The following PARP16 variants were observed in gnomAD, a reference collection of about 807,000 sequenced individuals.
PARP16 encodes protein mono-ADP-ribosyltransferase PARP16.
Under a neutral mutation model 35.0 loss-of-function variants are expected in PARP16, and 31 were observed. The observed-to-expected ratio is 0.88, with a 90% CI of 0.66 to 1.19. PARP16 has a LOEUF of 1.19. PARP16 is among the 50% of genes most tolerant of loss of function. The pLI is 0.00. For synonymous variants in PARP16, 162 were observed against 169.5 expected (o/e 0.96, Z 0.34); for missense variants, 424 against 411.2 (o/e 1.03, Z -0.27).
At position 65,265,846 on chromosome 15, in the gene PARP16, T is replaced by C. The variant is rs115448317; in HGVS notation, c.519+716A>G. Among the ~76,000 whole-genome samples, 1,140 of 152,368 alleles carry C rather than the reference T, an allele frequency of 7.5e-3. 9 individuals carry two copies. The highest frequency in any genetic ancestry group is 0.026 in the African/African-American group (1,093 of 41,586). On this transcript the variant is annotated intron_variant, in intron 3 of 5. Coordinates refer to ENST00000649807, the MANE Select transcript of PARP16 (RefSeq NM_001316943.2). ...TCACCTGGAGAGCTTTTAAAGCAAC[T>C]GATGCCTGTGCTCCACTCGGAGATT...
chr15:65,278,395 C>T (rs558693839), intron 1 of PARP16, among the ~76,000 whole-genome samples: 1 of 152,234 alleles, frequency 6.6e-6, no homozygotes, highest in African/African-American at 2.4e-5. Flanking sequence ...AGCTCACAGG[C>T]AACACATCTG....
chr15:65,268,971 T>A (rs761483445), intron 2 of PARP16, among the ~76,000 whole-genome samples: 28 of 152,064 alleles, frequency 1.8e-4, no homozygotes, highest in Non-Finnish European at 3.7e-4. Flanking sequence ...GCCAGGCTGG[T>A]CTTGAACTCC....
chr15:65,285,650 A>C (rs1281390086), intron 1 of PARP16: 1 of 182,710 alleles, frequency 5.5e-6, no homozygotes, highest in African/African-American at 2.4e-5. Flanking sequence ...TTTTTATTGA[A>C]TCGATTTTGG....
downstream of PARP16, among the ~76,000 whole-genome samples, chr15:65,231,901 A>G (rs2088781979): frequency 2.0e-5 from 3 of 152,008 alleles, no homozygotes; most frequent in South Asian, 6.2e-4. Context: ...GCTGGTGGCA[A>G]ATACAGTTTT....
chr15:65,235,926 G>A (rs1029424727), intron 3 of PARP16, among the ~76,000 whole-genome samples: 11 of 143,540 alleles, frequency 7.7e-5, no homozygotes, highest in East Asian at 4.4e-4. Flanking sequence ...GCAGTGGCAC[G>A]ATCTCACTGC....
At chr15:65,281,708 T>G (rs994930111) in intron 1 of PARP16, among the ~76,000 whole-genome samples, 1 of 134,080 alleles carries the variant, frequency 7.5e-6, no homozygotes. Context: ...AAAAAAAAAA[T>G]CAGAGAGCTT....
chr15:65,244,364 G>C (rs953827541), intron 3 of PARP16, among the ~76,000 whole-genome samples: 2 of 152,178 alleles, frequency 1.3e-5, no homozygotes, highest in Non-Finnish European at 2.9e-5. Flanking sequence ...AGGTTTAATG[G>C]ACTCACAGTT....
intron 3 of PARP16, among the ~76,000 whole-genome samples, chr15:65,237,092 G>A (rs2088902793): frequency 6.6e-6 from 1 of 150,466 alleles, no homozygotes; most frequent in African/African-American, 2.5e-5. Flanking sequence ...CTGTGTAGAT[G>A]GCCCCAGCCA....
At chr15:65,265,107 C>T (rs997229748) in intron 3 of PARP16, among the ~76,000 whole-genome samples, 2 of 152,184 alleles carry the variant, frequency 1.3e-5, no homozygotes, top group African/African-American at 2.4e-5. Flanking sequence ...TAACCAGATA[C>T]ACCAGGGAAA....
At chr15:65,280,472 C>G (rs1194677899) in intron 1 of PARP16, among the ~76,000 whole-genome samples, 1 of 150,042 alleles carries the variant, frequency 6.7e-6, no homozygotes, top group East Asian at 1.9e-4. Context: ...CATGGACCAG[C>G]AATTTCACCT....
chr15:65,284,351 T>C (rs1335338393), intron 1 of PARP16, among the ~76,000 whole-genome samples: 2 of 140,942 alleles, frequency 1.4e-5, no homozygotes, highest in African/African-American at 5.3e-5. Context: ...TTTTTTTTTT[T>C]TTTTTTTTTT....
At chr15:65,277,153 A>G (rs1043404052) in intron 1 of PARP16, among the ~76,000 whole-genome samples, 7 of 151,918 alleles carry the variant, frequency 4.6e-5, no homozygotes, top group African/African-American at 1.2e-4. Flanking sequence ...CCCACCCCCA[A>G]TGCTATTCCT....
chr15:65,237,264 C>T (rs1226719311), intron 3 of PARP16, among the ~76,000 whole-genome samples: 2 of 152,122 alleles, frequency 1.3e-5, no homozygotes, highest in Non-Finnish European at 2.9e-5. Context: ...TACTCAGTCC[C>T]TCCTCCCAGA....
At position 65,259,477 on chromosome 15, in the gene PARP16, A is replaced by G. The variant is rs779691324; in HGVS notation, c.899T>C (p.Leu300Pro). Reference sequence around the variant, plus strand: ...GATGACACTCACTATGAGCAGCAGCAGCAGATACAGGGATATCATGACGGT... The same window carrying G: ...GATGACACTCACTATGAGCAGCAGCGGCAGATACAGGGATATCATGACGGT... ...WFTVMISLYL[L>P]LLLIVSVINS... Residue 300 changes from leucine to proline, a missense_variant, in exon 6 of 6, where the codon CTG (leucine) becomes CCG (proline). By Grantham distance (98) the Leu-to-Pro change is moderately conservative. Transcript: ENST00000649807. 3.1e-6 allele frequency: 5 copies of G among 1,613,626 alleles called. No homozygotes were observed. The highest frequency in any genetic ancestry group is 1.7e-5 in the Admixed American group (1 of 60,036).
At chr15:65,232,393 G>A (rs2088788399), downstream of PARP16, among the ~76,000 whole-genome samples, 1 of 152,186 alleles carries the variant, frequency 6.6e-6, no homozygotes. Context: ...CTGACGGCTT[G>A]AAATCTATGG....
chr15:65,274,277 G>A (rs2090182986), intron 1 of PARP16, among the ~76,000 whole-genome samples: 3 of 147,620 alleles, frequency 2.0e-5, no homozygotes, highest in African/African-American at 7.5e-5. Context: ...GTGGATGTGT[G>A]AGCCCGGGCA....
At chr15:65,276,062 C>G (rs1188060804) in intron 1 of PARP16, among the ~76,000 whole-genome samples, 1 of 152,200 alleles carries the variant, frequency 6.6e-6, no homozygotes, top group East Asian at 1.9e-4. Context: ...CAGGCCTCTT[C>G]CCGGCCCTCC....
At chr15:65,256,670 G>T (rs966939052), downstream of PARP16, among the ~76,000 whole-genome samples, 2 of 152,076 alleles carry the variant, frequency 1.3e-5, no homozygotes, top group African/African-American at 4.8e-5. Flanking sequence ...GCCTCCCAAA[G>T]TGCTGGGATT....
intron 3 of PARP16, among the ~76,000 whole-genome samples, chr15:65,235,861 GTTTTTT>G (rs752611247): frequency 8.2e-6 from 1 of 122,016 alleles, no homozygotes; most frequent in African/African-American, 3.1e-5. Context: ...TGCAGATATG[GTTTTTT>G]TTTTTTTTTT....
Sources: gnomAD v4.1 joint callset for allele counts (sites outside exome capture counted in the v4.1 genomes callset) on GRCh38, gnomAD v4.1.1 for gene constraint, MANE v1.5 for transcripts, NCBI Gene and HGNC (gene_info 2026-07-23, HGNC 2026-07-21) for gene names.